CENPT: variants seen among roughly 807,000 people sequenced by gnomAD.
The protein encoded by CENPT is centromere protein T.
In CENPT, 42 loss-of-function variants were observed where a neutral mutation model predicts 59.7. The observed-to-expected ratio is 0.70, with a 90% CI of 0.55 to 0.91. CENPT has a LOEUF of 0.91. CENPT is among the 40% of genes least tolerant of loss of function. The pLI, the probability that CENPT is intolerant of heterozygous loss-of-function variation, is 0.00. For missense variants in CENPT, 716 were observed against 713.4 expected, an observed-to-expected ratio of 1.00 and a Z score of -0.04; for synonymous variants, 295 against 289.6, an observed-to-expected ratio of 1.02 and a Z score of -0.19.
chr16:67,833,948 CCGCACAG>C lies in CENPT; in HGVS notation c.-96_-90del, dbSNP rs1035204646. 2.0e-5 allele frequency: 16 copies of C among 795,600 alleles called. No homozygotes were observed. In the African/African-American group the frequency reaches 2.6e-4, roughly 13 times the overall value. The allele number at this position is 795,600 out of a possible 1,614,324, so 49.3% of individuals were successfully genotyped here. On this transcript the variant is annotated 5_prime_UTR_variant, in exon 4 of 16. Coordinates refer to ENST00000562787, the MANE Select transcript of CENPT (RefSeq NM_025082.4). Reference sequence around the variant, plus strand: ...AGTTAATGTAACTCTCGCGATGCTCCCGCACAGCCCCACGGGAATTGTAGTTCTCGCA... The same window carrying C: ...AGTTAATGTAACTCTCGCGATGCTCCCCCCACGGGAATTGTAGTTCTCGCA...
rs2057768984 is a variant in CENPT at position 67,842,520 on chromosome 16, G to C, written c.-492+4881C>G. ...CACTGGGCCGTCGAAGAGCGCAGGA[G>C]GCCGGTGGGCCGGGCCGGGCCGCGC... On this transcript the variant is annotated intron_variant, in intron 1 of 15. Transcript: ENST00000562787. The surrounding 1 kb of genome is among the most constrained non-coding windows in gnomAD (Gnocchi z 4.9). The C allele has an allele frequency of 6.8e-7, 1 of 1,469,994 alleles. No individual in the cohort carries two copies. The highest frequency in any genetic ancestry group is 1.4e-5 in the African/African-American group (1 of 70,912). The allele number at this position is 1,469,994 out of a possible 1,614,324, so 91.1% of individuals were successfully genotyped here.
chr16:67,842,271 A>C lies in CENPT; in HGVS notation c.-492+5130T>G. ...AAGTGAGCCGCTTCTGGCGCGGGGCATTGTGGGGGGCGTAGTCTCTTTCTC... is the reference window on the plus strand; with the variant it reads ...AAGTGAGCCGCTTCTGGCGCGGGGCCTTGTGGGGGGCGTAGTCTCTTTCTC... On this transcript the variant is annotated intron_variant, in intron 1 of 15. Transcript: ENST00000562787. This position sits in a 1 kb window ranked among gnomAD's most constrained non-coding sequence, Gnocchi z 4.9. 2 of 157,236 alleles carry C rather than the reference A, an allele frequency of 1.3e-5. No individual in the cohort carries two copies. The highest frequency in any genetic ancestry group is 2.8e-5 in the Non-Finnish European group (2 of 71,448). 9.7% of individuals were successfully genotyped at this position (157,236 alleles called of 1,614,324 possible).
At position 67,842,496 on chromosome 16, in the gene CENPT, A is replaced by C; in HGVS notation, c.-492+4905T>G. ...TCGAGGGGCGGGCGGCGGCGTAGCC[A>C]CTGGGCCGTCGAAGAGCGCAGGAGG... On this transcript the variant is annotated intron_variant, in intron 1 of 15. Coordinates refer to ENST00000562787, the MANE Select transcript of CENPT (RefSeq NM_025082.4). The surrounding 1 kb of genome is among the most constrained non-coding windows in gnomAD (Gnocchi z 4.9). 5.1e-6 allele frequency: 7 copies of C among 1,363,870 alleles called. No homozygotes were observed. The highest frequency in any genetic ancestry group is 1.5e-5 in the African/African-American group (1 of 65,782). 84.5% of individuals were successfully genotyped at this position (1,363,870 alleles called of 1,614,324 possible).
At chr16:67,830,307 A>C (rs571455625) in intron 11 of CENPT, 83 bp downstream of exon 11, 2 of 1,515,532 alleles carry the variant, frequency 1.3e-6, no homozygotes, top group Non-Finnish European at 1.8e-6. Flanking sequence ...AGGGGCACAG[A>C]GGGGCTTGAG....
chr16:67,831,184 C>A, intron 10 of CENPT, 32 bp downstream of exon 10: 5 of 1,613,484 alleles, frequency 3.1e-6, no homozygotes, highest in Non-Finnish European at 4.2e-6. Context: ...AGAGCTTTCC[C>A]CAAAGGCCAG....
rs201346649 is a variant in CENPT, at chr16:67,830,047, C to T, written c.904G>A (p.Glu302Lys). ...AAGCCCAGAGCAAAGGCATTGACCTCCTCTGCCTCTCCTGCCAGAAACTGG... is the reference window on the plus strand; with the variant it reads ...AAGCCCAGAGCAAAGGCATTGACCTTCTCTGCCTCTCCTGCCAGAAACTGG... ...PAQFLAGEAEEVNAFALGFLS... is the reference protein window; with the variant it reads ...PAQFLAGEAEKVNAFALGFLS... Residue 302 changes from glutamate (E) to lysine (K), a missense_variant, in exon 12 of 16, where the codon GAG (glutamate) becomes AAG (lysine). Transcript: ENST00000562787. 9.3e-6 allele frequency: 15 copies of T among 1,614,126 alleles called. No individual in the cohort carries two copies. The highest frequency in any genetic ancestry group is 2.7e-5 in the African/African-American group (2 of 74,938).
At chr16:67,836,279 C>A (rs562911004) in intron 1 of CENPT, among the ~76,000 whole-genome samples, 1 of 151,426 alleles carries the variant, frequency 6.6e-6, no homozygotes, top group East Asian at 2.0e-4. Flanking sequence ...CCAAGATGGT[C>A]TTGACCTCCT....
chr16:67,838,932 CAAAA>C (rs58802560), intron 1 of CENPT, among the ~76,000 whole-genome samples: 12 of 86,060 alleles, frequency 1.4e-4, no homozygotes, highest in Non-Finnish European at 1.7e-4. Context: ...GACTCTGTCT[CAAAA>C]AAAAAAAAAA....
chr16:67,836,042 C>T (rs2057733285), intron 1 of CENPT, among the ~76,000 whole-genome samples: 1 of 151,322 alleles, frequency 6.6e-6, no homozygotes, highest in Admixed American at 6.6e-5. Context: ...GGCGCCTGGT[C>T]TGCAGTTTTG....
chr16:67,843,623 C>A lies in CENPT; in HGVS notation c.-492+3778G>T. The A allele has an allele frequency of 1.0e-6, 1 of 997,422 alleles. No homozygotes were observed. Among genetic ancestry groups the A allele is most frequent in the Non-Finnish European group, 1.5e-6 (1 of 688,632 alleles). The allele number at this position is 997,422 out of a possible 1,614,324, so 61.8% of individuals were successfully genotyped here. On this transcript the variant is annotated intron_variant, in intron 1 of 15. Transcript: ENST00000562787. The surrounding 1 kb of genome is among the most constrained non-coding windows in gnomAD (Gnocchi z 5.7). ...AGTACTGAGGCTTAAGGCAGCTGGA[C>A]TCTCTTGCTGGTGACCTGGCATCCT...
At chr16:67,829,270 G>T (rs1323956452) in intron 13 of CENPT, 153 bp downstream of exon 13, 2 of 588,090 alleles carry the variant, frequency 3.4e-6, no homozygotes, top group African/African-American at 2.0e-5. Flanking sequence ...GGATGGCAGG[G>T]GTGCTCTTGG....
chr16:67,832,736 C>A (rs1481023627), intron 4 of CENPT, among the ~76,000 whole-genome samples, 191 bp from the exon 5 acceptor site: 1 of 152,110 alleles, frequency 6.6e-6, no homozygotes, highest in African/African-American at 2.4e-5. Flanking sequence ...AAGAAGACCC[C>A]TGGGGTATGG....
Position 67,828,188 on chromosome 16 carries a change from G to A in CENPT, c.*79C>T, listed in dbSNP as rs1051766412. On this transcript the variant is annotated 3_prime_UTR_variant, in exon 16 of 16. Transcript: ENST00000562787. ...TTATGACACTTTATTGATGCTGGGGGGGTGGGGAGGAGACCTGGAGAAATA... is the reference window on the plus strand; with the variant it reads ...TTATGACACTTTATTGATGCTGGGGAGGTGGGGAGGAGACCTGGAGAAATA... The A allele has an allele frequency of 7.5e-6, 11 of 1,460,480 alleles. No homozygotes were observed. Among genetic ancestry groups the A allele is most frequent in the Admixed American group, 4.4e-5 (2 of 45,952 alleles). 90.5% of individuals were successfully genotyped at this position (1,460,480 alleles called of 1,614,324 possible).
chr16:67,837,314 C>T (rs2057739766), intron 1 of CENPT, among the ~76,000 whole-genome samples: 1 of 152,020 alleles, frequency 6.6e-6, no homozygotes, highest in Admixed American at 6.6e-5. Flanking sequence ...GCTGGGATTA[C>T]CGGAGTGAGT....
chr16:67,842,408 CG>C lies in CENPT; in HGVS notation c.-492+4992del, dbSNP rs1164436883. 2.2e-6 allele frequency: 1 copy of C among 448,922 alleles called. No homozygotes were observed. Among genetic ancestry groups the C allele is most frequent in the Non-Finnish European group, 3.3e-6 (1 of 304,390 alleles). 27.8% of individuals were successfully genotyped at this position (448,922 alleles called of 1,614,324 possible). On this transcript the variant is annotated intron_variant, in intron 1 of 15. Transcript: ENST00000562787. The surrounding 1 kb of genome is among the most constrained non-coding windows in gnomAD (Gnocchi z 4.9). ...CGTATTCTGGGCACGGGGCGCCGGG[CG>C]GGCCGGCTGCGCCGAGCGGCAGTGG...
intron 1 of CENPT, among the ~76,000 whole-genome samples, chr16:67,841,045 A>G (rs1339133103): frequency 8.4e-6 from 1 of 119,356 alleles, no homozygotes; most frequent in African/African-American, 3.0e-5. Context: ...ATATATATAT[A>G]TTAGCCGGGC....
chr16:67,841,115 A>T (rs2151288743), intron 1 of CENPT, among the ~76,000 whole-genome samples: 1 of 136,212 alleles, frequency 7.3e-6, no homozygotes, highest in Admixed American at 7.8e-5. Context: ...GAATTGCTTG[A>T]ACCCAGGAGG....
chr16:67,830,414 T>G lies in CENPT; in HGVS notation c.838A>C (p.Ser280Arg). ...EQAAGRKTQS[S>R]GPGLQKNSPG... ...CTATTCTTCTGCAGCCCAGGCCCAC[T>G]GCTCTGTGTCTTGCGACCGGCAGCC... The change falls in exon 11 of 16, where the codon AGT (serine) becomes CGT (arginine). Residue 280 changes from serine (S) to arginine (R), a missense_variant. Coordinates refer to ENST00000562787, the MANE Select transcript of CENPT (RefSeq NM_025082.4). The G allele has an allele frequency of 6.2e-7, 1 of 1,612,644 alleles. No individual in the cohort carries two copies. Among genetic ancestry groups the G allele is most frequent in the Non-Finnish European group, 8.5e-7 (1 of 1,179,478 alleles).
In CENPT at chr16:67,833,736, G is replaced by A; in HGVS notation, c.110+14C>T. The A allele has an allele frequency of 6.8e-7, 1 of 1,477,530 alleles. No individual in the cohort carries two copies. The allele number at this position is 1,477,530 out of a possible 1,614,324, so 91.5% of individuals were successfully genotyped here. On this transcript the variant is annotated intron_variant, in intron 4 of 15. Coordinates refer to ENST00000562787, the MANE Select transcript of CENPT (RefSeq NM_025082.4). The stretch of plus-strand genomic sequence containing the variant: ...CTCTAGTTGCTCAAGTACTCGGGGA[G>A]CCCCCTCACATACCCAGCCCGAGCA...
Sources: allele counts gnomAD v4.1 joint callset (sites outside exome capture counted in the v4.1 genomes callset), GRCh38; gene constraint gnomAD v4.1.1; non-coding constraint Gnocchi (gnomAD v3.1); transcripts MANE v1.5; gene names NCBI Gene and HGNC (gene_info 2026-07-23, HGNC 2026-07-21).